STT3B: variants seen among roughly 807,000 people sequenced by gnomAD.
STT3B encodes the protein STT3 oligosaccharyltransferase complex catalytic subunit B.
STT3B carries 29 observed loss-of-function variants against 96.8 expected under a neutral mutation model. The observed-to-expected ratio is 0.30, with a 90% CI of 0.22 to 0.41. STT3B has a LOEUF of 0.41. Among genes scored for constraint, STT3B ranks in the 10% least tolerant of loss-of-function variants. The probability of loss-of-function intolerance (pLI) is 1.00; values close to 1 mark genes in which losing one functional copy is unlikely to be tolerated. For missense variants in STT3B, 640 were observed against 1,022.3 expected (o/e 0.63, Z 5.10); for synonymous variants, 367 against 360.0 (o/e 1.02, Z -0.22).
chr3:31,555,781 T>G (rs2125442251), intron 1 of STT3B, among the ~76,000 whole-genome samples: 1 of 152,252 alleles, frequency 6.6e-6, no homozygotes, highest in South Asian at 2.1e-4. Flanking sequence ...ATATATAATA[T>G]TTTACATATT....
At chr3:31,574,414 T>G (rs781366715) in intron 1 of STT3B, among the ~76,000 whole-genome samples, 3 of 152,174 alleles carry the variant, frequency 2.0e-5, no homozygotes, top group Non-Finnish European at 4.4e-5. Flanking sequence ...TTAGCTTTTT[T>G]TATTGGAGCC....
chr3:31,570,398 GGGA>G (rs1698108864), intron 1 of STT3B, among the ~76,000 whole-genome samples: 1 of 152,114 alleles, frequency 6.6e-6, no homozygotes, highest in South Asian at 2.1e-4. Context: ...AAGGTAGACT[GGGA>G]GGAGGAGGAT....
At position 31,533,131 on chromosome 3, in the gene STT3B, G is replaced by A. The variant is rs1350699081; in HGVS notation, c.133G>A (p.Ala45Thr). The A allele has an allele frequency of 1.5e-6, 2 of 1,304,564 alleles. No homozygotes were observed. Among genetic ancestry groups the A allele is most frequent in the Non-Finnish European group, 1.9e-6 (2 of 1,027,432 alleles). The allele number at this position is 1,304,564 out of a possible 1,614,324, so 80.8% of individuals were successfully genotyped here. A position where few individuals can be genotyped will look rare whatever the true frequency, so the allele number is the denominator to read the frequency against. ...GPGAQCAHKA[A>T]GGAAPPKPAP... is the part of the protein sequence containing the mutation. Reference sequence around the variant, plus strand: ...CGGGGCCCAGTGCGCGCACAAGGCGGCGGGCGGCGCGGCGCCGCCGAAGCC... The same window carrying A: ...CGGGGCCCAGTGCGCGCACAAGGCGACGGGCGGCGCGGCGCCGCCGAAGCC... Residue 45 changes from alanine to threonine, a missense_variant, in exon 1 of 16, where the codon GCG becomes ACG. By Grantham distance (58) the Ala-to-Thr change is moderately conservative (BLOSUM62 0). Transcript: ENST00000295770.
intron 14 of STT3B, 111 bp downstream of exon 14, chr3:31,629,522 G>T: frequency 1.8e-6 from 1 of 554,540 alleles, no homozygotes; most frequent in East Asian, 3.3e-5. Context: ...GAAGAGAAAT[G>T]TGCTTATCTA....
At chr3:31,569,900 T>C (rs1698098198) in intron 1 of STT3B, among the ~76,000 whole-genome samples, 1 of 152,004 alleles carries the variant, frequency 6.6e-6, no homozygotes. Flanking sequence ...ATGTAAATCA[T>C]ATAAATTTTA....
Position 31,540,085 on chromosome 3 carries a change from A to T in STT3B, c.314+6773A>T, listed in dbSNP as rs1356606468. ...TGCACCTATGTTTGCTGTAGAAGGG[A>T]ATATTTTGAGAAGTCGTTTGAAATT... On this transcript the variant is annotated intron_variant, in intron 1 of 15. Coordinates refer to ENST00000295770, the MANE Select transcript of STT3B (RefSeq NM_178862.3). Among the ~76,000 whole-genome samples, 3 of 152,230 alleles carry T rather than the reference A, an allele frequency of 2.0e-5. No homozygotes were observed. In the East Asian group the frequency reaches 5.8e-4, roughly 29 times the overall value.
intron 3 of STT3B, among the ~76,000 whole-genome samples, chr3:31,588,157 A>G (rs574520628): frequency 2.1e-4 from 32 of 152,028 alleles, no homozygotes; most frequent in Non-Finnish European, 4.0e-4. Flanking sequence ...GTGAACCAAA[A>G]CACAAGATGG....
intron 1 of STT3B, among the ~76,000 whole-genome samples, chr3:31,550,901 A>G (rs866474618): frequency 5.9e-5 from 9 of 152,250 alleles, no homozygotes; most frequent in Middle Eastern, 6.8e-3. Flanking sequence ...GGTAGATTGA[A>G]ATGCCAACTT....
At chr3:31,610,652 T>C (rs1207494204) in intron 5 of STT3B, among the ~76,000 whole-genome samples, 1 of 152,232 alleles carries the variant, frequency 6.6e-6, no homozygotes, top group Non-Finnish European at 1.5e-5. Flanking sequence ...TTCTTCTCTA[T>C]ATCTGTCTCG....
In STT3B at chr3:31,579,928, A is replaced by G. The variant is rs963543929; in HGVS notation, c.543A>G (p.Thr181=). ...VFLAPTFSGL[T]SISTFLLTRE... ...TTGCACCAACTTTTAGCGGCCTTAC[A>G]TCTATATCTACTTTCCTGCTTACAA... is the stretch of plus-strand genomic sequence containing the variant. The change falls in exon 3 of 16, where the codon ACA becomes ACG. Residue 181 remains threonine (T), a synonymous_variant. Transcript: ENST00000295770. 1.9e-6 allele frequency: 3 copies of G among 1,613,930 alleles called. No homozygotes were observed. The highest frequency in any genetic ancestry group is 1.7e-6 in the Non-Finnish European group (2 of 1,179,854).
chr3:31,620,747 CT>C (rs113002237), intron 9 of STT3B, among the ~76,000 whole-genome samples: 3 of 152,156 alleles, frequency 2.0e-5, no homozygotes, highest in African/African-American at 7.2e-5. Flanking sequence ...CTGAGAAAAA[CT>C]TTATCACGTG....
intron 1 of STT3B, among the ~76,000 whole-genome samples, chr3:31,572,840 A>G (rs890218718): frequency 2.6e-5 from 4 of 152,206 alleles, no homozygotes; most frequent in African/African-American, 7.2e-5. Flanking sequence ...AGCATGGGCA[A>G]CCGAAACAAA....
At chr3:31,554,125 A>G (rs1186061387) in intron 1 of STT3B, among the ~76,000 whole-genome samples, 2 of 152,196 alleles carry the variant, frequency 1.3e-5, no homozygotes, top group Non-Finnish European at 2.9e-5. Context: ...AATTTTGCCA[A>G]CCACAGTTTG....
intron 1 of STT3B, among the ~76,000 whole-genome samples, chr3:31,551,201 T>TTTTTTTTG (rs1697548775): frequency 6.6e-6 from 1 of 150,708 alleles, no homozygotes; most frequent in African/African-American, 2.5e-5. Context: ...TTTGGGTGTT[T>TTTTTTTTG]TTTGTTTGTT....
At chr3:31,538,767 AAC>A (rs1697160722) in intron 1 of STT3B, among the ~76,000 whole-genome samples, 1 of 152,168 alleles carries the variant, frequency 6.6e-6, no homozygotes, top group Non-Finnish European at 1.5e-5. Flanking sequence ...GTAAATGGTT[AAC>A]CTGCTACTCT....
chr3:31,587,504 A>G (rs1335080719), intron 3 of STT3B, among the ~76,000 whole-genome samples: 1 of 152,076 alleles, frequency 6.6e-6, no homozygotes, highest in Non-Finnish European at 1.5e-5. Context: ...TCAGCCTCCC[A>G]AAGTGTGAGC....
chr3:31,629,457 TA>T (rs1287906171), intron 14 of STT3B, 46 bp downstream of exon 14: 3 of 1,077,764 alleles, frequency 2.8e-6, no homozygotes, highest in East Asian at 5.0e-5. Context: ...AAATAATGTT[TA>T]AAACAAGTCT....
At chr3:31,565,487 G>A (rs1026256881) in intron 1 of STT3B, among the ~76,000 whole-genome samples, 1 of 152,158 alleles carries the variant, frequency 6.6e-6, no homozygotes, top group Non-Finnish European at 1.5e-5. Flanking sequence ...AACCTTGTAA[G>A]AACTAAACTT....
intron 5 of STT3B, among the ~76,000 whole-genome samples, chr3:31,609,664 G>A (rs1005652194): frequency 6.6e-5 from 10 of 152,014 alleles, no homozygotes; most frequent in East Asian, 3.9e-4. Context: ...GTGCCATCTC[G>A]GTTCACTGCA....
Sources: gnomAD v4.1 joint callset for allele counts (sites outside exome capture counted in the v4.1 genomes callset) on GRCh38, gnomAD v4.1.1 for gene constraint, MANE v1.5 for transcripts, NCBI Gene and HGNC (gene_info 2026-07-23, HGNC 2026-07-21) for gene names.